Variants in IQCM observed in about 807,000 individuals in gnomAD.
IQCM encodes the protein IQ domain-containing protein M.
In IQCM, 45 loss-of-function variants were observed where a neutral mutation model predicts 57.6. That is an observed-to-expected ratio of 0.78 (90% CI 0.62 to 1.00). The LOEUF (loss-of-function observed/expected upper bound fraction) is 1.00. Among genes scored for constraint, IQCM ranks in the 50% least tolerant of loss-of-function variants. The pLI is 0.00. For missense variants in IQCM, 468 were observed against 511.6 expected, an observed-to-expected ratio of 0.91 and a Z score of 0.82; for synonymous variants, 148 against 158.9, an observed-to-expected ratio of 0.93 and a Z score of 0.51.
chr4:149,677,192 C>T (rs1239364523), intron 7 of IQCM, among the ~76,000 whole-genome samples: 1 of 152,044 alleles, frequency 6.6e-6, no homozygotes, highest in Non-Finnish European at 1.5e-5. Flanking sequence ...CCATAAGAAG[C>T]ATCATTAGTG....
chr4:149,584,028 A>T (rs1364827468), intron 9 of IQCM, among the ~76,000 whole-genome samples: 3 of 151,584 alleles, frequency 2.0e-5, no homozygotes, highest in African/African-American at 4.8e-5. Flanking sequence ...TCATGTACAC[A>T]TTACATTTAT....
chr4:149,717,852 A>C (rs1233881523), intron 5 of IQCM, among the ~76,000 whole-genome samples: 1 of 152,214 alleles, frequency 6.6e-6, no homozygotes, highest in African/African-American at 2.4e-5. Context: ...TAAAAGACTT[A>C]ATTACTTTAA....
In IQCM at chr4:149,569,871, C is replaced by G. The variant is rs1750991935; in HGVS notation, c.750-5981G>C. 3.3e-5 allele frequency among the ~76,000 whole-genome samples: 5 copies of G among 152,022 alleles called. No homozygotes were observed. The South Asian group carries it at 1.0e-3, about 31-fold the overall frequency. On this transcript the variant is annotated intron_variant, in intron 9 of 13. Transcript: ENST00000636793. ...AATTAATTATCTAGAACTGAATACA[C>G]TGATTGAATTATGTTTCATATTTAT...
intron 12 of IQCM, among the ~76,000 whole-genome samples, chr4:149,511,133 T>C (rs1744365938): frequency 1.3e-5 from 2 of 152,206 alleles, no homozygotes; most frequent in African/African-American, 4.8e-5. Context: ...CTGACATGTC[T>C]ATGATATTCT....
intron 2 of IQCM, among the ~76,000 whole-genome samples, chr4:149,805,793 T>C (rs1261943436): frequency 6.6e-6 from 1 of 152,036 alleles, no homozygotes; most frequent in African/African-American, 2.4e-5. Flanking sequence ...TTTTTATTTT[T>C]CATCTAATTC....
At chr4:149,680,347 A>C (rs1008814787) in intron 7 of IQCM, among the ~76,000 whole-genome samples, 2 of 151,418 alleles carry the variant, frequency 1.3e-5, no homozygotes, top group East Asian at 1.9e-4. Context: ...ATATAAACTA[A>C]ACTGCATAAC....
chr4:149,667,904 C>T (rs1760881971), intron 7 of IQCM, among the ~76,000 whole-genome samples: 1 of 151,882 alleles, frequency 6.6e-6, no homozygotes, highest in African/African-American at 2.4e-5. Flanking sequence ...ACAAAAAAAG[C>T]TTCCAAGAAA....
chr4:149,407,900 A>G (rs558828116), intron 13 of IQCM, among the ~76,000 whole-genome samples: 22 of 152,036 alleles, frequency 1.4e-4, no homozygotes, highest in Non-Finnish European at 2.6e-4. Flanking sequence ...GGGTATTTCT[A>G]TTTTTAGTTC....
chr4:149,815,687 C>A lies in IQCM; in HGVS notation c.-174G>T, dbSNP rs372679104. 4 of 151,944 alleles carry A rather than the reference C, an allele frequency of 2.6e-5. No individual in the cohort carries two copies. Among genetic ancestry groups the A allele is most frequent in the Non-Finnish European group, 5.9e-5 (4 of 67,888 alleles). 9.4% of individuals were successfully genotyped at this position (151,944 alleles called of 1,614,324 possible). A position where few individuals can be genotyped will look rare whatever the true frequency, so the allele number is the denominator to read the frequency against. ...TCTCAGTTGCTTCACAGCATAGAAA[C>A]CTTGTATTCTTCCTTTATTATTTAT... is the stretch of plus-strand genomic sequence containing the variant. On this transcript the variant is annotated 5_prime_UTR_variant, in exon 1 of 14. Coordinates refer to ENST00000636793, the MANE Select transcript of IQCM (RefSeq NM_001363507.2).
chr4:149,422,884 A>C (rs1734210241), intron 13 of IQCM, among the ~76,000 whole-genome samples: 1 of 152,072 alleles, frequency 6.6e-6, no homozygotes. Flanking sequence ...ACTATGACAA[A>C]ATAATAAAAA....
intron 12 of IQCM, among the ~76,000 whole-genome samples, chr4:149,519,731 A>G (rs1426621035): frequency 2.0e-5 from 3 of 149,572 alleles, no homozygotes; most frequent in East Asian, 4.1e-4. Context: ...TGGGCTGGGC[A>G]TGGTGACTCA....
chr4:149,712,913 C>G (rs569178748), intron 5 of IQCM, among the ~76,000 whole-genome samples: 3 of 152,030 alleles, frequency 2.0e-5, no homozygotes, highest in Non-Finnish European at 2.9e-5. Flanking sequence ...AATTAACTGC[C>G]TAGGTCAGGA....
At chr4:149,388,506 A>G (rs1395371572) in intron 13 of IQCM, among the ~76,000 whole-genome samples, 1 of 142,786 alleles carries the variant, frequency 7.0e-6, no homozygotes, top group East Asian at 2.0e-4. Flanking sequence ...AAATATATAT[A>G]TATTATACAT....
chr4:149,648,101 T>C (rs559563697), intron 7 of IQCM, among the ~76,000 whole-genome samples: 2 of 152,326 alleles, frequency 1.3e-5, no homozygotes, highest in Admixed American at 1.3e-4. Context: ...ATTTCCTATT[T>C]TCTGCAGATA....
chr4:149,354,160 C>G (rs1049978291), intron 13 of IQCM, among the ~76,000 whole-genome samples: 6 of 150,674 alleles, frequency 4.0e-5, no homozygotes, highest in Non-Finnish European at 8.9e-5. Flanking sequence ...GTCAGGAGAT[C>G]GAGACCATCC....
At chr4:149,813,494 A>G (rs1250723147) in intron 2 of IQCM, among the ~76,000 whole-genome samples, 1 of 152,068 alleles carries the variant, frequency 6.6e-6, no homozygotes, top group Non-Finnish European at 1.5e-5. Flanking sequence ...AGGAAAAGCC[A>G]AGAATTAACT....
intron 12 of IQCM, among the ~76,000 whole-genome samples, chr4:149,517,128 A>AAG (rs1382469532): frequency 6.6e-6 from 1 of 151,102 alleles, no homozygotes; most frequent in Non-Finnish European, 1.5e-5. Context: ...AAAAAAAAAA[A>AAG]AAAAAAAGCC....
chr4:149,548,716 T>A (rs986882111), intron 11 of IQCM, 127 bp from the exon 12 acceptor site: 1 of 440,208 alleles, frequency 2.3e-6, no homozygotes. Flanking sequence ...ATATCAACCT[T>A]CTGGCAAAGG....
chr4:149,670,462 C>T lies in IQCM; in HGVS notation c.565+11656G>A, dbSNP rs1373863448. ...ACTTTCTCTTTTCCTAATTGAATAC[C>T]CTTTATTTCTTTATCCTGCCTGATT... On this transcript the variant is annotated intron_variant, in intron 7 of 13. Transcript: ENST00000636793. 1.3e-5 allele frequency among the ~76,000 whole-genome samples: 2 copies of T among 152,084 alleles called. 1 individual carries two copies. Among genetic ancestry groups the T allele is most frequent in the East Asian group, 3.9e-4 (2 of 5,166 alleles).
Sources: allele counts gnomAD v4.1 joint callset (sites outside exome capture counted in the v4.1 genomes callset), GRCh38; gene constraint gnomAD v4.1.1; transcripts MANE v1.5; gene names NCBI Gene and HGNC (gene_info 2026-07-23, HGNC 2026-07-21).